The following PCBP3 variants were observed in gnomAD, a reference collection of about 807,000 sequenced individuals.
The protein encoded by PCBP3 is poly(rC)-binding protein 3.
A neutral mutation model predicts 52.7 loss-of-function variants in PCBP3; 25 were observed. The ratio of observed to expected loss-of-function variants is 0.47; its 90% CI spans 0.35 to 0.66. The LOEUF (loss-of-function observed/expected upper bound fraction) is 0.66, where lower values mean the gene tolerates loss of function less well. Among genes scored for constraint, PCBP3 ranks in the 30% least tolerant of loss-of-function variants. The pLI is 0.01. For synonymous variants in PCBP3, 162 were observed against 183.0 expected, an observed-to-expected ratio of 0.89 and a Z score of 0.93; for missense variants, 391 against 490.3, an observed-to-expected ratio of 0.80 and a Z score of 1.91.
At chr21:45,865,751 A>C (rs1264653423) in intron 5 of PCBP3, among the ~76,000 whole-genome samples, 1 of 152,120 alleles carries the variant, frequency 6.6e-6, no homozygotes, top group Non-Finnish European at 1.5e-5. Flanking sequence ...TATCACCCGG[A>C]GCTGTGGGCT....
intron 4 of PCBP3, among the ~76,000 whole-genome samples, chr21:45,801,190 G>T (rs1318440760): frequency 6.6e-6 from 1 of 152,224 alleles, no homozygotes; most frequent in South Asian, 2.1e-4. Context: ...CCACTTCCCT[G>T]TGTGGATGGG....
intron 2 of PCBP3, among the ~76,000 whole-genome samples, chr21:45,726,628 C>T (rs542258113): frequency 1.1e-4 from 16 of 152,294 alleles, no homozygotes; most frequent in African/African-American, 3.6e-4. Flanking sequence ...GCAGACAGTG[C>T]CAACCTTCCC....
intron 4 of PCBP3, among the ~76,000 whole-genome samples, chr21:45,844,737 T>C (rs767736148): frequency 3.3e-5 from 5 of 152,074 alleles, no homozygotes; most frequent in Non-Finnish European, 7.4e-5. Flanking sequence ...CTGGTACATA[T>C]GAAACCATGG....
chr21:45,910,658 C>G (rs970278270), intron 10 of PCBP3, among the ~76,000 whole-genome samples: 1 of 152,128 alleles, frequency 6.6e-6, no homozygotes, highest in Non-Finnish European at 1.5e-5. Flanking sequence ...TAGATGCCTC[C>G]TTGTCTAGCC....
chr21:45,796,324 C>T (rs1481560762), intron 4 of PCBP3, among the ~76,000 whole-genome samples: 1 of 152,172 alleles, frequency 6.6e-6, no homozygotes, highest in Non-Finnish European at 1.5e-5. Flanking sequence ...TAAATCCAAC[C>T]TGCACTTAGT....
Position 45,704,463 on chromosome 21 carries a change from C to T in PCBP3, c.-199-30929C>T, listed in dbSNP as rs934578196. On this transcript the variant is annotated intron_variant, in intron 2 of 17. Transcript: ENST00000681687. The surrounding 1 kb of genome is among the most constrained non-coding windows in gnomAD (Gnocchi z 4.1). ...GCGGGCCAGCTGCAGACTGGGAGGC[C>T]GCAGCGTCTGCCCCCATTTTCCTGC... 2.0e-5 allele frequency among the ~76,000 whole-genome samples: 3 copies of T among 152,276 alleles called. No individual in the cohort carries two copies. Among genetic ancestry groups the T allele is most frequent in the East Asian group, 3.9e-4 (2 of 5,176 alleles).
intron 4 of PCBP3, chr21:45,762,878 G>A (rs571907521): frequency 3.3e-5 from 5 of 152,304 alleles, no homozygotes; most frequent in Admixed American, 1.3e-4. Context: ...GATTTTCCAC[G>A]TTCGCCTTGT....
intron 4 of PCBP3, among the ~76,000 whole-genome samples, chr21:45,768,850 G>T (rs1374064991): frequency 6.6e-6 from 1 of 152,224 alleles, no homozygotes; most frequent in Non-Finnish European, 1.5e-5. Flanking sequence ...CCCCTGGCCT[G>T]CAGTGCTATC....
At chr21:45,848,555 C>T (rs1603449973) in intron 4 of PCBP3, among the ~76,000 whole-genome samples, 2 of 152,238 alleles carry the variant, frequency 1.3e-5, no homozygotes, top group Admixed American at 6.5e-5. Context: ...CTGCCTCACA[C>T]TCAGCTGAAT....
intron 16 of PCBP3, among the ~76,000 whole-genome samples, chr21:45,935,890 T>C (rs543976944): frequency 2.0e-5 from 3 of 152,350 alleles, no homozygotes; most frequent in East Asian, 3.9e-4. Flanking sequence ...GTCTTGAGGA[T>C]AGAGAGGACT....
chr21:45,689,547 A>G (rs1262582582), intron 2 of PCBP3, among the ~76,000 whole-genome samples: 1 of 152,068 alleles, frequency 6.6e-6, no homozygotes, highest in African/African-American at 2.4e-5. Context: ...CATTCTCACT[A>G]CTTCTATTCA....
At chr21:45,826,390 T>C (rs1569276999) in intron 4 of PCBP3, among the ~76,000 whole-genome samples, 1 of 152,188 alleles carries the variant, frequency 6.6e-6, no homozygotes. Context: ...CTGATCCACA[T>C]AACGCAGGTG....
intron 4 of PCBP3, among the ~76,000 whole-genome samples, chr21:45,822,848 C>G (rs1196844272): frequency 6.6e-6 from 1 of 152,186 alleles, no homozygotes; most frequent in Non-Finnish European, 1.5e-5. Context: ...CTGCTGGGAT[C>G]TGTCTGATGC....
At chr21:45,676,544 G>A (rs2081479397) in intron 2 of PCBP3, among the ~76,000 whole-genome samples, 1 of 151,870 alleles carries the variant, frequency 6.6e-6, no homozygotes, top group Admixed American at 6.6e-5. Flanking sequence ...TGTGGTCAGC[G>A]ATCTTTGTTA....
chr21:45,745,874 G>T (rs556981277), intron 3 of PCBP3, among the ~76,000 whole-genome samples: 22 of 152,402 alleles, frequency 1.4e-4, no homozygotes, highest in African/African-American at 5.3e-4. Context: ...TGTTGGCATC[G>T]TGTGAAGGCA....
chr21:45,849,703 T>G (rs2093919263), intron 4 of PCBP3, among the ~76,000 whole-genome samples: 1 of 152,186 alleles, frequency 6.6e-6, no homozygotes, highest in African/African-American at 2.4e-5. Context: ...ATCAAAACAT[T>G]TCATGTAGAC....
At position 45,825,812 on chromosome 21, in the gene PCBP3, G is replaced by A. The variant is rs978293872; in HGVS notation, c.-125-24149G>A. On this transcript the variant is annotated intron_variant, in intron 4 of 17. Coordinates refer to ENST00000681687, the MANE Select transcript of PCBP3 (RefSeq NM_001384156.1). ...GCAGAGGTGGGGTTGGTGGTGGGAC[G>A]TGGGGGCGCATGTGGAATCTTTCAC... 3.9e-5 allele frequency among the ~76,000 whole-genome samples: 6 copies of A among 152,278 alleles called. No individual in the cohort carries two copies. In the East Asian group the frequency reaches 5.8e-4, roughly 15 times the overall value.
chr21:45,765,834 C>T (rs146183008), intron 4 of PCBP3, among the ~76,000 whole-genome samples: 16 of 152,272 alleles, frequency 1.1e-4, no homozygotes, highest in Non-Finnish European at 1.6e-4. Flanking sequence ...TAAGCACTGG[C>T]GATGTGCTTC....
Position 45,911,044 on chromosome 21 carries a change from G to A in PCBP3, c.600+14G>A, listed in dbSNP as rs368104928. ...GTCATGCTGGAGGTACCGTCTGCGCGCCAGGGCCAGCCCACGTCAGTGCTG... is the reference window on the plus strand; with the variant it reads ...GTCATGCTGGAGGTACCGTCTGCGCACCAGGGCCAGCCCACGTCAGTGCTG... On this transcript the variant is annotated intron_variant, in intron 11 of 17. Coordinates refer to ENST00000681687, the MANE Select transcript of PCBP3 (RefSeq NM_001384156.1). The A allele has an allele frequency of 3.9e-5, 63 of 1,606,470 alleles. No homozygotes were observed. The highest frequency in any genetic ancestry group is 8.3e-5 in the Admixed American group (5 of 59,998).
Sources: gnomAD v4.1 joint callset for allele counts (sites outside exome capture counted in the v4.1 genomes callset) on GRCh38, gnomAD v4.1.1 for gene constraint, Gnocchi (gnomAD v3.1) non-coding constraint, MANE v1.5 for transcripts, NCBI Gene and HGNC (gene_info 2026-07-23, HGNC 2026-07-21) for gene names.